LAMA3: variants seen among roughly 807,000 people sequenced by gnomAD.
LAMA3 encodes the protein laminin subunit alpha 3, also known as laminin subunit alpha-3.
In LAMA3, 281 loss-of-function variants were observed where a neutral mutation model predicts 402.0. That is an observed-to-expected ratio of 0.70 (90% CI 0.63 to 0.77). The LOEUF is 0.77. Among genes scored for constraint, LAMA3 ranks in the 30% least tolerant of loss-of-function variants. The probability of loss-of-function intolerance (pLI) is 0.00; values close to 1 mark genes in which losing one functional copy is unlikely to be tolerated. For synonymous variants in LAMA3, 1,431 were observed against 1,558.4 expected (o/e 0.92, Z 1.93); for missense variants, 3,840 against 4,215.5 (o/e 0.91, Z 2.47).
chr18:23,767,801 G>T (rs1168637200), intron 8 of LAMA3, among the ~76,000 whole-genome samples: 1 of 151,870 alleles, frequency 6.6e-6, no homozygotes, highest in African/African-American at 2.4e-5. Context: ...TCAAACTCCT[G>T]ACCTCAGGTG....
At chr18:23,765,694 C>T (rs1211935479) in intron 8 of LAMA3, among the ~76,000 whole-genome samples, 2 of 151,822 alleles carry the variant, frequency 1.3e-5, no homozygotes, top group African/African-American at 4.8e-5. Context: ...TATAATTATG[C>T]TCAAGAGAAT....
Position 23,750,950 on chromosome 18 carries a change from T to C in LAMA3, c.717T>C (p.Gly239=), listed in dbSNP as rs1263841022. The C allele has an allele frequency of 6.2e-7, 1 of 1,614,028 alleles. No individual in the cohort carries two copies. The highest frequency in any genetic ancestry group is 1.3e-5 in the African/African-American group (1 of 74,898). ...VVVSLINGRP[G]AKNFTFSHTL... is the part of the protein sequence containing the mutation. ...TGTCCTTGATAAACGGTCGTCCAGG[T>C]GCAAAAAATTTTACTTTCTCTCACA... Residue 239 remains glycine, a synonymous_variant, in exon 5 of 75, where the codon GGT becomes GGC. Transcript: ENST00000313654.
chr18:23,954,401 TAA>T lies in LAMA3; in HGVS notation c.9857-81_9857-80del, dbSNP rs11406615. 0.15 allele frequency: 100,591 copies of T among 658,466 alleles called. 1,890 individuals are homozygous for T. Among genetic ancestry groups the T allele is most frequent in the South Asian group, 0.18 (9,460 of 53,268 alleles). 40.8% of individuals were successfully genotyped at this position (658,466 alleles called of 1,614,324 possible). ...CTGGGTAACAGAGCAGGACCCTGTC[TAA>T]AAAAAAAAAAAAAAAAAAAATACTA... On this transcript the variant is annotated intron_variant, in intron 74 of 74. Coordinates refer to ENST00000313654, the MANE Select transcript of LAMA3 (RefSeq NM_198129.4).
chr18:23,951,401 T>C (rs1438771670), intron 72 of LAMA3, among the ~76,000 whole-genome samples: 1 of 152,184 alleles, frequency 6.6e-6, no homozygotes, highest in African/African-American at 2.4e-5. Flanking sequence ...TGAGTTGAGC[T>C]GATGGGGGCG....
chr18:23,916,600 C>G lies in LAMA3; in HGVS notation c.7828C>G (p.Arg2610Gly). ...TTATTTTGAAGGTACGGGCTATGCT[C>G]GAGTTCCAACTCAACCACATGCTCC... ...KNYFEGTGYA[R>G]VPTQPHAPIP... Residue 2610 changes from arginine (R) to glycine (G), a missense_variant, in exon 60 of 75, where the codon CGA (arginine) becomes GGA (glycine). Physicochemically the swap from Arg to Gly is moderately radical, Grantham distance 125. Around this residue, in one of 3 missense-constraint regions of LAMA3, gnomAD observed 840 missense variants for 981.9 expected, o/e 0.86. Coordinates refer to ENST00000313654, the MANE Select transcript of LAMA3 (RefSeq NM_198129.4). 1 of 1,614,004 alleles carries G rather than the reference C, an allele frequency of 6.2e-7. No homozygotes were observed. The highest frequency in any genetic ancestry group is 8.5e-7 in the Non-Finnish European group (1 of 1,179,864).
rs761784211 is a variant in LAMA3 at position 23,914,788 on chromosome 18, T to G, written c.7572T>G (p.Asn2524Lys). 1 of 1,613,198 alleles carries G rather than the reference T, an allele frequency of 6.2e-7. No homozygotes were observed. The highest frequency in any genetic ancestry group is 8.5e-7 in the Non-Finnish European group (1 of 1,179,194). The change falls in exon 58 of 75, where the codon AAT becomes AAG. Residue 2524 changes from asparagine (N) to lysine (K), a missense_variant. Asn to Lys is a moderately conservative substitution (Grantham distance 94, BLOSUM62 0). Transcript: ENST00000313654. ...TPGVYDMDGRNSNTLLNLDPE... is the reference protein window; with the variant it reads ...TPGVYDMDGRKSNTLLNLDPE... ...GAGTCTATGACATGGATGGTAGAAA[T>G]AGCAATACACTCCTTAATTTGGATC...
chr18:23,866,850 G>A (rs755148768), intron 36 of LAMA3, among the ~76,000 whole-genome samples: 1 of 152,184 alleles, frequency 6.6e-6, no homozygotes, highest in Non-Finnish European at 1.5e-5. Flanking sequence ...CTAGGTAATG[G>A]CCTTCTTTCT....
In LAMA3 at chr18:23,748,000, T is replaced by C; in HGVS notation, c.505T>C (p.Trp169Arg). ...TGCAAATTCTCCTCGCCCTGATCTT[T>C]GGGTCTTGGAAAGATCTGTAGACTT... ...KFANSPRPDL[W>R]VLERSVDFGS... Residue 169 changes from tryptophan to arginine, a missense_variant, in exon 3 of 75, where the codon TGG (tryptophan) becomes CGG (arginine). Trp to Arg is a moderately radical substitution (Grantham distance 101). Transcript: ENST00000313654. 4.3e-6 allele frequency: 7 copies of C among 1,613,896 alleles called. No individual in the cohort carries two copies. Among genetic ancestry groups the C allele is most frequent in the Non-Finnish European group, 5.1e-6 (6 of 1,179,736 alleles).
intron 1 of LAMA3, among the ~76,000 whole-genome samples, chr18:23,705,914 G>T (rs969542427): frequency 1.7e-4 from 26 of 152,290 alleles, no homozygotes; most frequent in Middle Eastern, 3.4e-3. Context: ...TGTATGGTCT[G>T]CCCACCCCCA....
At chr18:23,742,911 A>T (rs916891140) in intron 2 of LAMA3, among the ~76,000 whole-genome samples, 2 of 152,202 alleles carry the variant, frequency 1.3e-5, no homozygotes, top group Non-Finnish European at 2.9e-5. Flanking sequence ...GTTTTCTGGC[A>T]CAGGGAGTAC....
chr18:23,788,287 G>T (rs1273372823), intron 12 of LAMA3, among the ~76,000 whole-genome samples: 1 of 151,836 alleles, frequency 6.6e-6, no homozygotes, highest in African/African-American at 2.4e-5. Flanking sequence ...GTACAAAAAT[G>T]GTGGAGAGGG....
intron 19 of LAMA3, 45 bp downstream of exon 19, chr18:23,820,042 T>C: frequency 6.3e-7 from 1 of 1,599,066 alleles, no homozygotes; most frequent in Non-Finnish European, 8.6e-7. Flanking sequence ...GTAGCTCAGA[T>C]ACTTCCCCAC....
Position 23,773,605 on chromosome 18 carries a change from T to C in LAMA3, c.1273+18T>C, listed in dbSNP as rs778995600. ...CTGCATCCGTAAGTTTCATTTCAAGTTGGTGTATCTTAGCCTGTGTGTACT... is the reference window on the plus strand; with the variant it reads ...CTGCATCCGTAAGTTTCATTTCAAGCTGGTGTATCTTAGCCTGTGTGTACT... On this transcript the variant is annotated intron_variant, in intron 9 of 74. Transcript: ENST00000313654. 7.9e-6 allele frequency: 12 copies of C among 1,516,290 alleles called. No homozygotes were observed. Among genetic ancestry groups the C allele is most frequent in the Non-Finnish European group, 1.1e-5 (12 of 1,107,852 alleles). The allele number at this position is 1,516,290 out of a possible 1,614,324, so 93.9% of individuals were successfully genotyped here.
At chr18:23,837,550 G>A in intron 25 of LAMA3, among the ~76,000 whole-genome samples, 5 of 83,520 alleles carry the variant, frequency 6.0e-5, no homozygotes, top group East Asian at 3.1e-4. Flanking sequence ...ATTTCAAAAA[G>A]AATATCATTC....
At chr18:23,844,780 C>T (rs558624989) in intron 29 of LAMA3, among the ~76,000 whole-genome samples, 1 of 152,292 alleles carries the variant, frequency 6.6e-6, no homozygotes, top group African/African-American at 2.4e-5. Context: ...TTGCATAATA[C>T]TTACAGATTG....
chr18:23,750,833 G>A (rs2061737038), intron 4 of LAMA3, 85 bp from the exon 5 acceptor site: 1 of 1,429,148 alleles, frequency 7.0e-7, no homozygotes, highest in Admixed American at 1.7e-5. Flanking sequence ...AGTGCCTTGG[G>A]GCATGTGAGT....
rs749814465 is a variant in LAMA3, at chr18:23,847,535, C to T, written c.4003C>T (p.Pro1335Ser). The change falls in exon 32 of 75, where the codon CCC becomes TCC. Residue 1335 changes from proline (P) to serine (S), a missense_variant. Physicochemically the swap from Pro to Ser is moderately conservative, Grantham distance 74. Transcript: ENST00000313654. ...CCGCTGCCCTCCCCGCACGGTCAGG[C>T]CCCAGTGTGAGGTGTGTGAGACACA... is the stretch of plus-strand genomic sequence containing the variant. ...QCRCPPRTVR[P>S]QCEVCETHSF... 12 of 1,614,052 alleles carry T rather than the reference C, an allele frequency of 7.4e-6. 1 individual carries two copies. The South Asian group carries it at 9.9e-5, about 13-fold the overall frequency.
chr18:23,800,829 G>T (rs2062852809), intron 12 of LAMA3, among the ~76,000 whole-genome samples: 5 of 151,846 alleles, frequency 3.3e-5, no homozygotes, highest in Non-Finnish European at 7.4e-5. Context: ...TGTCCTTCAG[G>T]CTCATCCGTG....
intron 42 of LAMA3, among the ~76,000 whole-genome samples, chr18:23,893,749 C>T (rs955396731): frequency 1.3e-5 from 2 of 152,144 alleles, no homozygotes; most frequent in African/African-American, 2.4e-5. Context: ...CACAGAGCAG[C>T]AGGGATTTTG....
Sources: gnomAD v4.1 joint callset for allele counts (sites outside exome capture counted in the v4.1 genomes callset) on GRCh38, gnomAD v4.1.1 for gene constraint, gnomAD v4.1.1 regional missense constraint, MANE v1.5 for transcripts, NCBI Gene and HGNC (gene_info 2026-07-23, HGNC 2026-07-21) for gene names.